Variants in TIPARP observed in about 807,000 individuals in gnomAD.
The protein encoded by TIPARP is protein mono-ADP-ribosyltransferase TIPARP.
TIPARP carries 12 observed loss-of-function variants against 56.5 expected under a neutral mutation model. That is an observed-to-expected ratio of 0.21 (90% CI 0.14 to 0.34). The LOEUF (loss-of-function observed/expected upper bound fraction) is 0.34. Among genes scored for constraint, TIPARP ranks in the 10% least tolerant of loss-of-function variants. The pLI is 1.00. For missense variants in TIPARP, 604 were observed against 781.6 expected (o/e 0.77, Z 2.71); for synonymous variants, 296 against 265.7 (o/e 1.11, Z -1.11).
Position 156,705,002 on chromosome 3 carries a change from C to T in TIPARP, c.1845C>T (p.Thr615=). 6.2e-7 allele frequency: 1 copy of T among 1,614,184 alleles called. No individual in the cohort carries two copies. The highest frequency in any genetic ancestry group is 8.5e-7 in the Non-Finnish European group (1 of 1,180,028). ...RPPPVNPGSV[T]SDLYDSCVDN... is the part of the protein sequence containing the mutation. Reference sequence around the variant, plus strand: ...CGCCAGTCAATCCTGGCAGTGTCACCAGTGACCTTTATGACTCTTGTGTGG... The same window carrying T: ...CGCCAGTCAATCCTGGCAGTGTCACTAGTGACCTTTATGACTCTTGTGTGG... The change falls in exon 6 of 6, where the codon ACC becomes ACT. Residue 615 remains threonine, a synonymous_variant. Transcript: ENST00000295924.
At chr3:156,681,803 A>G (rs1420554404) in intron 2 of TIPARP, among the ~76,000 whole-genome samples, 4 of 152,144 alleles carry the variant, frequency 2.6e-5, no homozygotes, top group Non-Finnish European at 4.4e-5. Flanking sequence ...GCCAACATCA[A>G]CTGCATACTA....
In TIPARP at chr3:156,678,351, T is replaced by G. The variant is rs111702052; in HGVS notation, c.654T>G (p.Ala218=). The G allele has an allele frequency of 6.2e-6, 10 of 1,614,216 alleles. No homozygotes were observed. Among genetic ancestry groups the G allele is most frequent in the African/African-American group, 2.7e-5 (2 of 75,070 alleles). ...TCTTTCAGGACAAAAGTGAAGAGGC[T>G]TCCCTTGACCTCGTGTTTGAGCTGG... ...TELFQDKSEE[A]SLDLVFELVN... is the part of the protein sequence containing the mutation. Residue 218 remains alanine, a synonymous_variant, in exon 2 of 6, where the codon GCT becomes GCG. Transcript: ENST00000295924.
At chr3:156,697,920 G>A (rs571721097) in intron 4 of TIPARP, among the ~76,000 whole-genome samples, 2 of 152,184 alleles carry the variant, frequency 1.3e-5, no homozygotes, top group Non-Finnish European at 2.9e-5. Context: ...TAGGCCTCTT[G>A]TGCCTTAACA....
Position 156,706,722 on chromosome 3 carries a change from T to C in TIPARP, c.*1591T>C, listed in dbSNP as rs1304233458. 1 of 152,670 alleles carries C rather than the reference T, an allele frequency of 6.6e-6. No homozygotes were observed. The allele number at this position is 152,670 out of a possible 1,614,324, so 9.5% of individuals were successfully genotyped here. ...AAAGAAAGCTTTATGACATATTTAT[T>C]TTTTTAATAAAACTAAGCAAAAATA... On this transcript the variant is annotated 3_prime_UTR_variant, in exon 6 of 6. Coordinates refer to ENST00000295924, the MANE Select transcript of TIPARP (RefSeq NM_015508.5).
chr3:156,679,597 C>T (rs764210746), intron 2 of TIPARP, among the ~76,000 whole-genome samples: 10 of 152,194 alleles, frequency 6.6e-5, no homozygotes, highest in Non-Finnish European at 1.5e-4. Flanking sequence ...GAGAGAAGAA[C>T]ACTTCTGTCC....
chr3:156,699,130 T>C (rs189208916), intron 4 of TIPARP, among the ~76,000 whole-genome samples: 299 of 152,280 alleles, frequency 2.0e-3, no homozygotes, highest in African/African-American at 6.2e-3. Flanking sequence ...GTAGAGAAAG[T>C]GGTTTCTTGA....
chr3:156,698,545 A>G (rs1722775324), intron 4 of TIPARP, among the ~76,000 whole-genome samples: 1 of 152,220 alleles, frequency 6.6e-6, no homozygotes, highest in African/African-American at 2.4e-5. Context: ...ATGACAGCAC[A>G]TCTGTTTATA....
intron 4 of TIPARP, among the ~76,000 whole-genome samples, chr3:156,698,336 G>A (rs1722769389): frequency 6.6e-6 from 1 of 152,216 alleles, no homozygotes; most frequent in African/African-American, 2.4e-5. Flanking sequence ...GAGATTTTCA[G>A]TGTAGACAAA....
chr3:156,680,366 G>A (rs1156725445), intron 2 of TIPARP, among the ~76,000 whole-genome samples: 5 of 151,978 alleles, frequency 3.3e-5, no homozygotes, highest in African/African-American at 1.2e-4. Flanking sequence ...TTTTTAATAA[G>A]GTATTTTCCA....
Position 156,678,724 on chromosome 3 carries a change from T to C in TIPARP, c.917+110T>C, listed in dbSNP as rs1722215422. 6 of 935,844 alleles carry C rather than the reference T, an allele frequency of 6.4e-6. No individual in the cohort carries two copies. The Admixed American group carries it at 1.2e-4, about 18-fold the overall frequency. 58.0% of individuals were successfully genotyped at this position (935,844 alleles called of 1,614,324 possible). A position where few individuals can be genotyped will look rare whatever the true frequency, so the allele number is the denominator to read the frequency against. ...TTCAGTAGTAACAGGTTTTCTTTTT[T>C]TCCACTATTATTCTTTTGACTGTGC... On this transcript the variant is annotated intron_variant, in intron 2 of 5. Coordinates refer to ENST00000295924, the MANE Select transcript of TIPARP (RefSeq NM_015508.5).
chr3:156,700,951 ACC>A (rs1030661907), intron 4 of TIPARP, among the ~76,000 whole-genome samples: 2 of 152,212 alleles, frequency 1.3e-5, no homozygotes, highest in African/African-American at 4.8e-5. Flanking sequence ...TCTTTGGAAT[ACC>A]CATGCAGTGA....
intron 4 of TIPARP, among the ~76,000 whole-genome samples, chr3:156,698,553 A>C (rs915558407): frequency 6.6e-6 from 1 of 152,210 alleles, no homozygotes; most frequent in Non-Finnish European, 1.5e-5. Context: ...ACATCTGTTT[A>C]TAGCATGGTT....
intron 2 of TIPARP, among the ~76,000 whole-genome samples, chr3:156,689,220 T>C: frequency 6.6e-6 from 1 of 152,192 alleles, no homozygotes; most frequent in East Asian, 1.9e-4. Flanking sequence ...TAATTTGTCT[T>C]GTTAATAGCA....
intron 1 of TIPARP, chr3:156,676,675 T>G (rs1466140710): frequency 6.6e-6 from 1 of 152,208 alleles, no homozygotes; most frequent in Non-Finnish European, 1.5e-5. Flanking sequence ...ACCATTCCTT[T>G]CTCACCTGGC....
intron 3 of TIPARP, 110 bp from the exon 4 acceptor site, chr3:156,695,755 T>G: frequency 7.2e-7 from 1 of 1,398,400 alleles, no homozygotes; most frequent in Non-Finnish European, 9.4e-7. Context: ...CACTGTACTT[T>G]ATTGAAATTC....
intron 4 of TIPARP, 65 bp downstream of exon 4, chr3:156,696,090 A>G: frequency 1.3e-6 from 2 of 1,522,664 alleles, no homozygotes; most frequent in East Asian, 4.7e-5. Flanking sequence ...CCTGAATACT[A>G]GAGATAAAAA....
In TIPARP at chr3:156,706,715, T is replaced by C. The variant is rs1722991649; in HGVS notation, c.*1584T>C. Reference sequence around the variant, plus strand: ...TAAGGAAAAAGAAAGCTTTATGACATATTTATTTTTTTAATAAAACTAAGC... The same window carrying C: ...TAAGGAAAAAGAAAGCTTTATGACACATTTATTTTTTTAATAAAACTAAGC... On this transcript the variant is annotated 3_prime_UTR_variant, in exon 6 of 6. Transcript: ENST00000295924. 1 of 152,662 alleles carries C rather than the reference T, an allele frequency of 6.6e-6. No individual in the cohort carries two copies. Among genetic ancestry groups the C allele is most frequent in the South Asian group, 2.1e-4 (1 of 4,828 alleles). 9.5% of individuals were successfully genotyped at this position (152,662 alleles called of 1,614,324 possible). A position where few individuals can be genotyped will look rare whatever the true frequency, so the allele number is the denominator to read the frequency against.
At chr3:156,704,016 A>AG (rs1722917099) in intron 5 of TIPARP, among the ~76,000 whole-genome samples, 1 of 151,528 alleles carries the variant, frequency 6.6e-6, no homozygotes, top group South Asian at 2.1e-4. Context: ...CCGTCTCAAA[A>AG]AAAAAAAAAA....
At position 156,678,068 on chromosome 3, in the gene TIPARP, C is replaced by T; in HGVS notation, c.371C>T (p.Ala124Val). The T allele has an allele frequency of 3.1e-6, 5 of 1,614,076 alleles. No individual in the cohort carries two copies. Among genetic ancestry groups the T allele is most frequent in the African/African-American group, 1.3e-5 (1 of 75,028 alleles). Residue 124 changes from alanine (A) to valine (V), a missense_variant, in exon 2 of 6, where the codon GCC (alanine) becomes GTC (valine). By Grantham distance (64) the Ala-to-Val change is moderately conservative. Coordinates refer to ENST00000295924, the MANE Select transcript of TIPARP (RefSeq NM_015508.5). The part of the protein sequence containing the change: ...RTNVGDQIPE[A>V]HPSTEAPERV... ...AATGTTGGGGACCAGATACCGGAAG[C>T]CCATCCTTCCACTGAAGCTCCAGAA... is the stretch of plus-strand genomic sequence containing the variant.
Sources: gnomAD v4.1 joint callset for allele counts (sites outside exome capture counted in the v4.1 genomes callset) on GRCh38, gnomAD v4.1.1 for gene constraint, MANE v1.5 for transcripts, NCBI Gene and HGNC (gene_info 2026-07-23, HGNC 2026-07-21) for gene names.